STAC: variants seen among roughly 807,000 people sequenced by gnomAD.
STAC encodes SH3 and cysteine-rich domain-containing protein.
A neutral mutation model predicts 48.8 loss-of-function variants in STAC; 43 were observed. The ratio of observed to expected loss-of-function variants is 0.88; its 90% CI spans 0.69 to 1.14. STAC has a LOEUF of 1.14. Ranked by LOEUF, STAC falls within the 50% of genes most tolerant of loss-of-function variation. STAC has a pLI of 0.00. For missense variants in STAC, 497 were observed against 504.0 expected (o/e 0.99, Z 0.13); for synonymous variants, 193 against 179.5 (o/e 1.07, Z -0.60).
intron 1 of STAC, among the ~76,000 whole-genome samples, chr3:36,414,720 G>A (rs1054521075): frequency 7.2e-5 from 11 of 152,290 alleles, no homozygotes; most frequent in South Asian, 4.2e-4. Context: ...AAGGAGCTGC[G>A]TTCCTTTGGA....
At chr3:36,496,407 G>A (rs927595442) in intron 6 of STAC, among the ~76,000 whole-genome samples, 8 of 152,180 alleles carry the variant, frequency 5.3e-5, no homozygotes, top group Non-Finnish European at 1.0e-4. Flanking sequence ...CTGTTCAGAA[G>A]CAGTGTCTAG....
chr3:36,421,649 G>A (rs1700452984), intron 1 of STAC, among the ~76,000 whole-genome samples: 1 of 152,024 alleles, frequency 6.6e-6, no homozygotes, highest in African/African-American at 2.4e-5. Flanking sequence ...TAGTCATTCT[G>A]AAGTCTTCTT....
chr3:36,453,309 G>A (rs535769674), intron 2 of STAC, among the ~76,000 whole-genome samples: 4 of 152,352 alleles, frequency 2.6e-5, no homozygotes, highest in East Asian at 1.9e-4. Flanking sequence ...GGCCAAGGCC[G>A]GAGCCAGCTC....
intron 6 of STAC, among the ~76,000 whole-genome samples, chr3:36,496,353 T>C (rs1698151949): frequency 6.6e-6 from 1 of 152,178 alleles, no homozygotes; most frequent in Admixed American, 6.5e-5. Flanking sequence ...ACATATGTGG[T>C]CCAAGTTCCC....
At chr3:36,383,646 A>G (rs575038852) in intron 1 of STAC, among the ~76,000 whole-genome samples, 66 of 152,330 alleles carry the variant, frequency 4.3e-4, no homozygotes, top group Non-Finnish European at 9.0e-4. Flanking sequence ...GGGCCACTAT[A>G]TTCTTTAGAA....
chr3:36,547,819 A>T lies in STAC; in HGVS notation c.*1530A>T, dbSNP rs947978124. 4 of 152,160 alleles carry T rather than the reference A, an allele frequency of 2.6e-5. No homozygotes were observed. The allele number at this position is 152,160 out of a possible 1,614,324, so 9.4% of individuals were successfully genotyped here. On this transcript the variant is annotated 3_prime_UTR_variant, in exon 11 of 11. Coordinates refer to ENST00000273183, the MANE Select transcript of STAC (RefSeq NM_003149.3). ...CTCTTATCTTAAAGCCAGCATCCAG[A>T]ATTTCCTCCCTCTCTGATGCCACAT...
At position 36,493,858 on chromosome 3, in the gene STAC, G is replaced by C. The variant is rs573967675; in HGVS notation, c.766+629G>C. ...ACTTCCACTTGCTGACATTAAGAAA[G>C]AGCCACCTCTGGCCGGGCGCGGTGG... On this transcript the variant is annotated intron_variant, in intron 6 of 10. Coordinates refer to ENST00000273183, the MANE Select transcript of STAC (RefSeq NM_003149.3). Among the ~76,000 whole-genome samples the C allele has an allele frequency of 3.3e-5, 5 of 152,094 alleles. No homozygotes were observed. In the South Asian group the frequency reaches 1.0e-3, roughly 32 times the overall value.
intron 2 of STAC, among the ~76,000 whole-genome samples, chr3:36,448,194 T>C (rs868084203): frequency 2.3e-4 from 33 of 145,360 alleles, no homozygotes; most frequent in Admixed American, 7.6e-4. Context: ...TTTTACTTTA[T>C]TTTACTTTAT....
At chr3:36,498,083 C>T (rs975794315) in intron 6 of STAC, among the ~76,000 whole-genome samples, 2 of 152,112 alleles carry the variant, frequency 1.3e-5, no homozygotes, top group Admixed American at 6.5e-5. Flanking sequence ...AAACAACCAA[C>T]TTTATGGTCA....
chr3:36,540,681 G>A lies in STAC; in HGVS notation c.1111-5510G>A, dbSNP rs184524434. ...CATCTCAGTCCTCCAGCCACAGGGA[G>A]CTGAACGCAGCAACATCCTAAATGA... is the stretch of plus-strand genomic sequence containing the variant. On this transcript the variant is annotated intron_variant, in intron 10 of 10. Coordinates refer to ENST00000273183, the MANE Select transcript of STAC (RefSeq NM_003149.3). 1.2e-3 allele frequency among the ~76,000 whole-genome samples: 186 copies of A among 152,218 alleles called. 2 individuals are homozygous for A. Among genetic ancestry groups the A allele is most frequent in the Non-Finnish European group, 3.8e-4 (26 of 68,004 alleles).
At chr3:36,424,256 GA>G (rs968095235) in intron 1 of STAC, among the ~76,000 whole-genome samples, 88 of 137,266 alleles carry the variant, frequency 6.4e-4, no homozygotes, top group African/African-American at 1.9e-3. Context: ...TATTTTCTCC[GA>G]AAAAAAAAAA....
intron 6 of STAC, among the ~76,000 whole-genome samples, chr3:36,498,795 T>C (rs1698214848): frequency 1.3e-5 from 2 of 152,186 alleles, no homozygotes; most frequent in South Asian, 4.1e-4. Flanking sequence ...AGAGACAATA[T>C]GTAAGAACAT....
intron 5 of STAC, among the ~76,000 whole-genome samples, chr3:36,492,109 G>C (rs1161366751): frequency 7.2e-5 from 9 of 124,774 alleles, no homozygotes; most frequent in Non-Finnish European, 1.5e-4. Context: ...CTTGTGAAGA[G>C]GATAGAGCCA....
rs181223214 is a variant in STAC, at chr3:36,426,649, G to C, written c.112-16715G>C. ...AACCAGACTAGAGGAAAGGTCTCCA[G>C]ACGTGACTTAGAAGCTTGGGTTCAA... On this transcript the variant is annotated intron_variant, in intron 1 of 10. Coordinates refer to ENST00000273183, the MANE Select transcript of STAC (RefSeq NM_003149.3). Among the ~76,000 whole-genome samples the C allele has an allele frequency of 4.6e-5, 7 of 152,278 alleles. No homozygotes were observed. The East Asian group carries it at 1.3e-3, about 29-fold the overall frequency.
intron 8 of STAC, among the ~76,000 whole-genome samples, chr3:36,524,571 G>A (rs1185163901): frequency 2.0e-5 from 3 of 151,964 alleles, no homozygotes; most frequent in South Asian, 2.1e-4. Context: ...CAGCCTGGGC[G>A]ACAGAGTGAA....
At chr3:36,412,181 T>C (rs926735936) in intron 1 of STAC, among the ~76,000 whole-genome samples, 1 of 152,192 alleles carries the variant, frequency 6.6e-6, no homozygotes, top group Non-Finnish European at 1.5e-5. Flanking sequence ...CCACCTTGTC[T>C]GGTTGGTTTA....
chr3:36,487,456 T>C (rs1240517466), intron 5 of STAC, among the ~76,000 whole-genome samples: 2 of 152,246 alleles, frequency 1.3e-5, no homozygotes, highest in Admixed American at 6.5e-5. Context: ...TTTTCCTTAC[T>C]GTACATAAAA....
rs1428490697 is a variant in STAC at position 36,380,589 on chromosome 3, GGACA to G, written c.-52_-49del. ...TGGCGCGCGGCGGGCAGGGCGCGCA[GGACA>G]GAAGCCTCGCTGTTCCTCCGGGAGC... On this transcript the variant is annotated 5_prime_UTR_variant, in exon 1 of 11. Coordinates refer to ENST00000273183, the MANE Select transcript of STAC (RefSeq NM_003149.3). 3.7e-5 allele frequency: 53 copies of G among 1,415,846 alleles called. No homozygotes were observed. Among genetic ancestry groups the G allele is most frequent in the Non-Finnish European group, 3.1e-5 (32 of 1,025,544 alleles). The allele number at this position is 1,415,846 out of a possible 1,614,324, so 87.7% of individuals were successfully genotyped here.
chr3:36,471,545 C>T (rs1042518941), intron 2 of STAC, among the ~76,000 whole-genome samples: 3 of 152,274 alleles, frequency 2.0e-5, no homozygotes, highest in Non-Finnish European at 1.5e-5. Context: ...CGCCTATGAG[C>T]CTGTAAAATC....
Sources: allele counts gnomAD v4.1 joint callset (sites outside exome capture counted in the v4.1 genomes callset), GRCh38; gene constraint gnomAD v4.1.1; transcripts MANE v1.5; gene names NCBI Gene and HGNC (gene_info 2026-07-23, HGNC 2026-07-21).